The following APOC1 variants were observed in gnomAD, a reference collection of about 807,000 sequenced individuals.
APOC1 encodes apolipoprotein C1.
APOC1 carries 4 observed loss-of-function variants against 6.7 expected under a neutral mutation model. That is an observed-to-expected ratio of 0.60 (90% CI 0.29 to 1.37). APOC1 has a LOEUF of 1.37. APOC1 is among the 40% of genes most tolerant of loss of function. The probability of loss-of-function intolerance (pLI) is 0.09; values close to 1 mark genes in which losing one functional copy is unlikely to be tolerated. For synonymous variants in APOC1, 33 were observed against 40.6 expected (o/e 0.81, Z 0.72); for missense variants, 122 against 99.4 (o/e 1.23, Z -0.97).
Position 44,914,941 on chromosome 19 carries a change from T to A in APOC1, c.50T>A (p.Val17Asp), listed in dbSNP as rs1969977196. The A allele has an allele frequency of 6.2e-7, 1 of 1,612,984 alleles. No individual in the cohort carries two copies. The highest frequency in any genetic ancestry group is 1.7e-5 in the Admixed American group (1 of 59,958). Reference sequence around the variant, plus strand: ...GTCCTGGTGGTGGTTCTGTCGATCGTCTTGGAAGGTAAAAGTGGGATGGGA... The same window carrying A: ...GTCCTGGTGGTGGTTCTGTCGATCGACTTGGAAGGTAAAAGTGGGATGGGA... Reference protein sequence around the residue: ...LPVLVVVLSIVLEGPAPAQGT... With the variant: ...LPVLVVVLSIDLEGPAPAQGT... Residue 17 changes from valine to aspartate, a missense_variant, in exon 2 of 4, where the codon GTC (valine) becomes GAC (aspartate). Coordinates refer to ENST00000592535, the MANE Select transcript of APOC1 (RefSeq NM_001645.5).
intron 1 of APOC1, 33 bp downstream of exon 1, chr19:44,914,766 C>T: frequency 1.0e-6 from 1 of 993,960 alleles, no homozygotes; most frequent in Non-Finnish European, 1.5e-6. Flanking sequence ...GGACACCCGC[C>T]TACACTCTGC....
Position 44,919,213 on chromosome 19 carries a change from C to G in APOC1, c.235C>G (p.Leu79Val). The change falls in exon 4 of 4, where the codon CTC becomes GTC. Residue 79 changes from leucine to valine, a missense_variant. Leu to Val is a conservative substitution (Grantham distance 32). Transcript: ENST00000592535. ...GACATTTCAGAAAGTGAAGGAGAAACTCAAGATTGACTCATGAGGACCTGA... is the reference window on the plus strand; with the variant it reads ...GACATTTCAGAAAGTGAAGGAGAAAGTCAAGATTGACTCATGAGGACCTGA... The part of the protein sequence containing the change: ...SETFQKVKEK[L>V]KIDS 6.2e-7 allele frequency: 1 copy of G among 1,613,956 alleles called. No homozygotes were observed. Among genetic ancestry groups the G allele is most frequent in the Non-Finnish European group, 8.5e-7 (1 of 1,179,874 alleles).
intron 2 of APOC1, 44 bp from the exon 3 acceptor site, chr19:44,916,146 A>AAAAAAC (rs1555791332): frequency 6.6e-7 from 1 of 1,503,864 alleles, no homozygotes; most frequent in African/African-American, 1.5e-5. Flanking sequence ...CCAAAAAAAA[A>AAAAAAC]AAAAAAAAAA....
chr19:44,916,583 C>T (rs1264318486), intron 3 of APOC1: 4 of 537,274 alleles, frequency 7.4e-6, no homozygotes, highest in African/African-American at 4.0e-5. Flanking sequence ...TTAGGGAGGC[C>T]GAGGTGGGCT....
chr19:44,917,581 A>T (rs182510327), intron 3 of APOC1, among the ~76,000 whole-genome samples: 20 of 151,908 alleles, frequency 1.3e-4, no homozygotes, highest in Non-Finnish European at 2.4e-4. Flanking sequence ...CTGTCTCAAC[A>T]AAAAAAGAAA....
At chr19:44,918,487 G>A (rs12721056) in intron 3 of APOC1, among the ~76,000 whole-genome samples, 81 of 148,902 alleles carry the variant, frequency 5.4e-4, no homozygotes, top group African/African-American at 2.0e-3. Context: ...TCACCCTCCC[G>A]AGTAGCTGGG....
intron 3 of APOC1, among the ~76,000 whole-genome samples, chr19:44,917,420 C>CA (rs893457617): frequency 6.6e-6 from 1 of 150,830 alleles, no homozygotes; most frequent in Non-Finnish European, 1.5e-5. Flanking sequence ...AATAGAAATG[C>CA]AAAAAAAATT....
In APOC1 at chr19:44,919,220, T is replaced by C. The variant is rs773222722; in HGVS notation, c.242T>C (p.Ile81Thr). 21 of 1,613,746 alleles carry C rather than the reference T, an allele frequency of 1.3e-5. No individual in the cohort carries two copies. Among genetic ancestry groups the C allele is most frequent in the Admixed American group, 8.3e-5 (5 of 59,972 alleles). The change falls in exon 4 of 4, where the codon ATT becomes ACT. Residue 81 changes from isoleucine to threonine, a missense_variant. Physicochemically the swap from Ile to Thr is moderately conservative, Grantham distance 89. Coordinates refer to ENST00000592535, the MANE Select transcript of APOC1 (RefSeq NM_001645.5). Reference sequence around the variant, plus strand: ...CAGAAAGTGAAGGAGAAACTCAAGATTGACTCATGAGGACCTGAAGGGTGA... The same window carrying C: ...CAGAAAGTGAAGGAGAAACTCAAGACTGACTCATGAGGACCTGAAGGGTGA... ...TFQKVKEKLKIDS is the reference protein window; with the variant it reads ...TFQKVKEKLKTDS
chr19:44,914,935 C>G lies in APOC1; in HGVS notation c.44C>G (p.Ser15Trp). The G allele has an allele frequency of 6.2e-7, 1 of 1,613,336 alleles. No homozygotes were observed. The highest frequency in any genetic ancestry group is 8.5e-7 in the Non-Finnish European group (1 of 1,179,498). Reference protein sequence around the residue: ...LSLPVLVVVLSIVLEGPAPAQ... With the variant: ...LSLPVLVVVLWIVLEGPAPAQ... ...CTCCCGGTCCTGGTGGTGGTTCTGT[C>G]GATCGTCTTGGAAGGTAAAAGTGGG... Residue 15 changes from serine to tryptophan, a missense_variant, in exon 2 of 4, where the codon TCG (serine) becomes TGG (tryptophan). By Grantham distance (177) the Ser-to-Trp change is radical. Coordinates refer to ENST00000592535, the MANE Select transcript of APOC1 (RefSeq NM_001645.5).
intron 3 of APOC1, chr19:44,916,579 A>T: frequency 5.5e-6 from 3 of 549,160 alleles, no homozygotes; most frequent in Non-Finnish European, 9.4e-6. Flanking sequence ...GCACTTAGGG[A>T]GGCCGAGGTG....
chr19:44,916,620 C>T, intron 3 of APOC1: 1 of 514,232 alleles, frequency 1.9e-6, no homozygotes, highest in Non-Finnish European at 3.4e-6. Context: ...GAGTTCGAGA[C>T]CAGTCTGACC....
chr19:44,915,689 G>C lies in APOC1; in HGVS notation c.59-501G>C, dbSNP rs556781141. Reference sequence around the variant, plus strand: ...GGGTTCCAATAACAAATTTTTGGCCGGGCAGGGTGGCTCATGCCTGTAATC... The same window carrying C: ...GGGTTCCAATAACAAATTTTTGGCCCGGCAGGGTGGCTCATGCCTGTAATC... On this transcript the variant is annotated intron_variant, in intron 2 of 3. Transcript: ENST00000592535. Among the ~76,000 whole-genome samples the C allele has an allele frequency of 2.2e-4, 34 of 151,680 alleles. 1 individual carries two copies. The highest frequency in any genetic ancestry group is 8.2e-4 in the African/African-American group (34 of 41,422).
At chr19:44,918,830 T>G (rs1052962049) in intron 3 of APOC1, 2 of 266,732 alleles carry the variant, frequency 7.5e-6, no homozygotes, top group African/African-American at 4.4e-5. Context: ...TGGTATTTTT[T>G]GTATTTTTAG....
rs1005025704 is a variant in APOC1 at position 44,916,251 on chromosome 19, T to C, written c.120T>C (p.Phe40=). 1.2e-6 allele frequency: 2 copies of C among 1,613,240 alleles called. No homozygotes were observed. Among genetic ancestry groups the C allele is most frequent in the Non-Finnish European group, 1.7e-6 (2 of 1,179,964 alleles). The change falls in exon 3 of 4, where the codon TTT becomes TTC. Residue 40 remains phenylalanine, a synonymous_variant. Transcript: ENST00000592535. ...GTGCCTTGGATAAGCTGAAGGAGTTTGGAAACACACTGGAGGACAAGGCTC... is the reference window on the plus strand; with the variant it reads ...GTGCCTTGGATAAGCTGAAGGAGTTCGGAAACACACTGGAGGACAAGGCTC... The part of the protein sequence containing the change: ...VSSALDKLKE[F]GNTLEDKARE...
chr19:44,917,999 G>C (rs534984418), intron 3 of APOC1, among the ~76,000 whole-genome samples: 1 of 151,524 alleles, frequency 6.6e-6, no homozygotes, highest in Non-Finnish European at 1.5e-5. Context: ...CTCCTGGCGC[G>C]GTGGCTCACG....
chr19:44,916,675 G>T (rs1187605677), intron 3 of APOC1, among the ~76,000 whole-genome samples: 1 of 150,920 alleles, frequency 6.6e-6, no homozygotes, highest in Non-Finnish European at 1.5e-5. Context: ...AAAAAATTAG[G>T]CAGGCATGGT....
chr19:44,914,665 T>G lies in APOC1; in HGVS notation c.-89T>G. On this transcript the variant is annotated 5_prime_UTR_variant, in exon 1 of 4. Coordinates refer to ENST00000592535, the MANE Select transcript of APOC1 (RefSeq NM_001645.5). Reference sequence around the variant, plus strand: ...ATCAACATCAACCTGCCCCGCCCCCTCCCCAGCCTGATAAAGGTCCTGCGG... The same window carrying G: ...ATCAACATCAACCTGCCCCGCCCCCGCCCCAGCCTGATAAAGGTCCTGCGG... 1 of 556,766 alleles carries G rather than the reference T, an allele frequency of 1.8e-6. No homozygotes were observed. The highest frequency in any genetic ancestry group is 3.0e-5 in the East Asian group (1 of 33,164). The allele number at this position is 556,766 out of a possible 1,614,324, so 34.5% of individuals were successfully genotyped here. A position where few individuals can be genotyped will look rare whatever the true frequency, so the allele number is the denominator to read the frequency against.
chr19:44,915,680 T>C (rs1969991668), intron 2 of APOC1, among the ~76,000 whole-genome samples: 1 of 150,702 alleles, frequency 6.6e-6, no homozygotes, highest in South Asian at 2.1e-4. Flanking sequence ...CAATAACAAA[T>C]TTTTGGCCGG....
rs376302246 is a variant in APOC1, at chr19:44,915,077, C to T, written c.58+128C>T. On this transcript the variant is annotated intron_variant, in intron 2 of 3. Transcript: ENST00000592535. The stretch of plus-strand genomic sequence containing the variant: ...CCCTTCTGGGTCGTGGTTGCCTCAT[C>T]GTGGTCGGGTGGGTCTCCAGGTTCT... 1.8e-4 allele frequency: 181 copies of T among 1,017,360 alleles called. 1 individual carries two copies. In the East Asian group the frequency reaches 3.2e-3, roughly 18 times the overall value. 63.0% of individuals were successfully genotyped at this position (1,017,360 alleles called of 1,614,324 possible).
Sources: gnomAD v4.1 joint callset for allele counts (sites outside exome capture counted in the v4.1 genomes callset) on GRCh38, gnomAD v4.1.1 for gene constraint, MANE v1.5 for transcripts, NCBI Gene and HGNC (gene_info 2026-07-23, HGNC 2026-07-21) for gene names.